CDKL2: variants seen among roughly 807,000 people sequenced by gnomAD.
CDKL2 encodes the protein cyclin-dependent kinase-like 2.
In CDKL2, 64 loss-of-function variants were observed where a neutral mutation model predicts 63.9. The ratio of observed to expected loss-of-function variants is 1.00; its 90% CI spans 0.82 to 1.23. The LOEUF is 1.23. Ranked by LOEUF, CDKL2 falls within the 50% of genes most tolerant of loss-of-function variation. The probability of loss-of-function intolerance (pLI) is 0.00; values close to 1 mark genes in which losing one functional copy is unlikely to be tolerated. For missense variants in CDKL2, 656 were observed against 668.0 expected, an observed-to-expected ratio of 0.98 and a Z score of 0.20; for synonymous variants, 211 against 229.2, an observed-to-expected ratio of 0.92 and a Z score of 0.72.
At chr4:75,586,056 A>G (rs183069118) in intron 12 of CDKL2, among the ~76,000 whole-genome samples, 48 of 152,344 alleles carry the variant, frequency 3.2e-4, no homozygotes, top group African/African-American at 1.0e-3. Flanking sequence ...AAAAAAATCA[A>G]GATCACACTG....
At position 75,598,194 on chromosome 4, in the gene CDKL2, C is replaced by A; in HGVS notation, c.903G>T (p.Gln301His). The A allele has an allele frequency of 6.8e-7, 1 of 1,480,086 alleles. No homozygotes were observed. The highest frequency in any genetic ancestry group is 2.4e-5 in the East Asian group (1 of 42,536). The allele number at this position is 1,480,086 out of a possible 1,614,324, so 91.7% of individuals were successfully genotyped here. ...GFAERFSQEL[Q>H]LKVQKDARNV... ...TTCTGGCATCTTTCTGTACTTTTAACTGTAGTTCTTGGGAAAACCTACATA... is the reference window on the plus strand; with the variant it reads ...TTCTGGCATCTTTCTGTACTTTTAAATGTAGTTCTTGGGAAAACCTACATA... Residue 301 changes from glutamine to histidine, a missense_variant, in exon 8 of 14, where the codon CAG becomes CAT. Gln to His is a conservative substitution (Grantham distance 24, BLOSUM62 0). Coordinates refer to ENST00000307465, the MANE Select transcript of CDKL2 (RefSeq NM_001330724.2).
chr4:75,580,761 C>T lies in CDKL2; in HGVS notation c.*23+1049G>A, dbSNP rs554169438. Reference sequence around the variant, plus strand: ...TGTCGCCCAGGCTGGAGTGCAGTGGCGCGATCTCGGCTCACTGCAAGCTCC... The same window carrying T: ...TGTCGCCCAGGCTGGAGTGCAGTGGTGCGATCTCGGCTCACTGCAAGCTCC... On this transcript the variant is annotated intron_variant, in intron 13 of 13. Transcript: ENST00000307465. 3.4e-3 allele frequency among the ~76,000 whole-genome samples: 488 copies of T among 144,672 alleles called. 2 individuals are homozygous for T. Among genetic ancestry groups the T allele is most frequent in the Middle Eastern group, 3.6e-3 (1 of 276 alleles). The allele number at this position is 144,672 out of a possible 152,430, so 94.9% of individuals were successfully genotyped here.
chr4:75,592,363 T>C (rs986790563), intron 10 of CDKL2, 94 bp from the exon 11 acceptor site: 1 of 1,107,808 alleles, frequency 9.0e-7, no homozygotes, highest in Non-Finnish European at 1.2e-6. Flanking sequence ...ATCCTAAAAT[T>C]TGTGAAATTG....
intron 7 of CDKL2, among the ~76,000 whole-genome samples, chr4:75,599,517 C>T (rs966149547): frequency 1.4e-5 from 2 of 140,166 alleles, no homozygotes; most frequent in Non-Finnish European, 3.0e-5. Flanking sequence ...GCCAAGATTG[C>T]ACCACTGCAC....
chr4:75,601,397 T>C (rs1351054087), intron 6 of CDKL2, among the ~76,000 whole-genome samples: 1 of 152,066 alleles, frequency 6.6e-6, no homozygotes, highest in East Asian at 1.9e-4. Flanking sequence ...CCAGTAAAAA[T>C]AGAAGGGACT....
intron 6 of CDKL2, among the ~76,000 whole-genome samples, chr4:75,602,912 T>G (rs1190827835): frequency 1.3e-5 from 2 of 152,176 alleles, no homozygotes; most frequent in African/African-American, 4.8e-5. Flanking sequence ...TCATACAGTG[T>G]TTTTATGTTT....
intron 6 of CDKL2, among the ~76,000 whole-genome samples, chr4:75,603,562 C>G (rs1244742547): frequency 6.6e-6 from 1 of 150,834 alleles, no homozygotes; most frequent in East Asian, 2.0e-4. Flanking sequence ...AACCCCGTTT[C>G]TACTAAAAAT....
intron 10 of CDKL2, among the ~76,000 whole-genome samples, chr4:75,594,392 G>C (rs1242009059): frequency 6.6e-6 from 1 of 151,762 alleles, no homozygotes; most frequent in Non-Finnish European, 1.5e-5. Flanking sequence ...AGGTTGCAGT[G>C]AGCCGAGATC....
At chr4:75,615,450 T>C (rs969381563) in intron 2 of CDKL2, among the ~76,000 whole-genome samples, 3 of 152,014 alleles carry the variant, frequency 2.0e-5, no homozygotes, top group Non-Finnish European at 4.4e-5. Flanking sequence ...AAGAAACCAA[T>C]GGAATGCAGA....
intron 12 of CDKL2, among the ~76,000 whole-genome samples, chr4:75,583,629 C>T (rs1423952021): frequency 6.7e-6 from 1 of 149,800 alleles, no homozygotes; most frequent in Non-Finnish European, 1.5e-5. Context: ...GAAGACCACA[C>T]ATCTGAGGTT....
Position 75,605,668 on chromosome 4 carries a change from A to G in CDKL2, c.543-34T>C, listed in dbSNP as rs199730654. ...AAAGCAATGTGGTGTAAAATCTGGC[A>G]TCCTAATATGCTCCAAAACCCAAAG... On this transcript the variant is annotated intron_variant, in intron 4 of 13. Coordinates refer to ENST00000307465, the MANE Select transcript of CDKL2 (RefSeq NM_001330724.2). The G allele has an allele frequency of 1.8e-5, 25 of 1,409,180 alleles. No homozygotes were observed. In the African/African-American group the frequency reaches 3.1e-4, roughly 17 times the overall value. The allele number at this position is 1,409,180 out of a possible 1,614,324, so 87.3% of individuals were successfully genotyped here. A position where few individuals can be genotyped will look rare whatever the true frequency, so the allele number is the denominator to read the frequency against.
intron 2 of CDKL2, among the ~76,000 whole-genome samples, chr4:75,622,561 T>C (rs1241067696): frequency 6.6e-6 from 1 of 150,946 alleles, no homozygotes; most frequent in Non-Finnish European, 1.5e-5. Context: ...TCTACTAAAA[T>C]ACAAAAATTA....
At chr4:75,580,731 C>T (rs1206998807) in intron 13 of CDKL2, among the ~76,000 whole-genome samples, 4 of 142,686 alleles carry the variant, frequency 2.8e-5, no homozygotes, top group Admixed American at 6.9e-5. Context: ...GACGGAGTCT[C>T]GCTCTGTCGC....
chr4:75,603,741 AAGTAAAAAAAAAAAAAAAAGGTCT>A, intron 6 of CDKL2, 52 bp downstream of exon 6: 2 of 941,938 alleles, frequency 2.1e-6, no homozygotes, highest in South Asian at 3.6e-5. Context: ...TCAACTAGAC[AAGTAAAAAAAAAAAAAAAAGGTCT>A]TGATAGTGCA....
chr4:75,606,797 C>A (rs929591477), intron 4 of CDKL2, among the ~76,000 whole-genome samples: 1 of 152,090 alleles, frequency 6.6e-6, no homozygotes, highest in Non-Finnish European at 1.5e-5. Flanking sequence ...TGAAGAATTC[C>A]CTTGTGAAGA....
chr4:75,621,128 G>T (rs963481619), intron 2 of CDKL2, among the ~76,000 whole-genome samples: 8 of 151,864 alleles, frequency 5.3e-5, no homozygotes, highest in Non-Finnish European at 1.0e-4. Context: ...TAAGGACAGG[G>T]TTTCACCACG....
At chr4:75,613,035 G>T (rs759867501) in intron 3 of CDKL2, among the ~76,000 whole-genome samples, 36 of 152,274 alleles carry the variant, frequency 2.4e-4, no homozygotes, top group Non-Finnish European at 4.4e-4. Context: ...TGAGGCCGGA[G>T]AATGGCGTGA....
At chr4:75,623,633 C>T (rs1730268768) in intron 2 of CDKL2, among the ~76,000 whole-genome samples, 1 of 151,718 alleles carries the variant, frequency 6.6e-6, no homozygotes, top group African/African-American at 2.4e-5. Flanking sequence ...GTAATCAATC[C>T]AAGTAACAAA....
intron 12 of CDKL2, 70 bp downstream of exon 12, chr4:75,591,749 C>A: frequency 9.8e-7 from 1 of 1,024,752 alleles, no homozygotes; most frequent in Non-Finnish European, 1.4e-6. Flanking sequence ...CAAACTCTCC[C>A]TAAAATACTT....
Sources: allele counts gnomAD v4.1 joint callset (sites outside exome capture counted in the v4.1 genomes callset), GRCh38; gene constraint gnomAD v4.1.1; transcripts MANE v1.5; gene names NCBI Gene and HGNC (gene_info 2026-07-23, HGNC 2026-07-21).